Variants in SYTL5 observed in about 807,000 individuals in gnomAD.
SYTL5 encodes synaptotagmin like 5.
A neutral mutation model predicts 55.9 loss-of-function variants in SYTL5; 34 were observed. That is an observed-to-expected ratio of 0.61 (90% confidence interval 0.46 to 0.81). The LOEUF (loss-of-function observed/expected upper bound fraction) is 0.81. Among genes scored for constraint, SYTL5 ranks in the 30% least tolerant of loss-of-function variants. SYTL5 has a pLI of 0.00. For missense variants in SYTL5, 637 were observed against 546.7 expected, an observed-to-expected ratio of 1.17 and a Z score of -1.65; for synonymous variants, 221 against 188.7, an observed-to-expected ratio of 1.17 and a Z score of -1.40.
At chrX:38,113,613 G>A (rs987071174) in intron 13 of SYTL5, among the ~76,000 whole-genome samples, 1 of 111,392 alleles carries the variant, frequency 9.0e-6, no homozygotes, top group Non-Finnish European at 1.9e-5. Flanking sequence ...GATATGGTTT[G>A]AATAAATACT....
At chrX:38,048,253 G>A (rs773229129) in intron 2 of SYTL5, among the ~76,000 whole-genome samples, 28 of 108,960 alleles carry the variant, frequency 2.6e-4, no homozygotes, top group Non-Finnish European at 4.8e-4. Flanking sequence ...ATCTCCATCC[G>A]AGGCCACCTC....
At chrX:37,944,990 G>T in the SYTL5 span, among the ~76,000 whole-genome samples, 1 of 112,655 alleles carries the variant, frequency 8.9e-6, no homozygotes, top group Non-Finnish European at 1.9e-5. Context: ...ATGGTCGACT[G>T]ATTTCAAAGC....
chrX:38,122,038 TTC>T, intron 14 of SYTL5, 40 bp from the exon 15 acceptor site: 4 of 1,108,535 alleles, frequency 3.6e-6, no homozygotes, highest in Non-Finnish European at 4.8e-6. Context: ...CTATTTTTTT[TTC>T]TCTTTCTCCA....
rs187370767 is a variant in SYTL5, at chrX:38,110,099, T to C, written c.1435-222T>C. Among the ~76,000 whole-genome samples, 597 of 112,030 alleles carry C rather than the reference T, an allele frequency of 5.3e-3. 3 individuals are homozygous for C. The highest frequency in any genetic ancestry group is 0.023 in the Middle Eastern group (5 of 217). On this transcript the variant is annotated intron_variant, in intron 12 of 16. Coordinates refer to ENST00000297875, the MANE Select transcript of SYTL5 (RefSeq NM_138780.3). ...GAGTTTATCTCTACCTCAGATAATTTGTTTATATATCTTTCAATGCAAAGT... is the reference window on the plus strand; with the variant it reads ...GAGTTTATCTCTACCTCAGATAATTCGTTTATATATCTTTCAATGCAAAGT...
the SYTL5 span, among the ~76,000 whole-genome samples, chrX:37,929,723 C>T: frequency 9.0e-6 from 1 of 111,622 alleles, no homozygotes; most frequent in South Asian, 3.7e-4. Context: ...TTTCCTTTTG[C>T]TAAATCAAAA....
rs997731392 is a variant in SYTL5 at position 38,120,327 on chromosome X, T to C, written c.1597-31T>C. 3.8e-6 allele frequency: 4 copies of C among 1,055,526 alleles called. No individual in the cohort carries two copies. In the African/African-American group the frequency reaches 7.4e-5, roughly 19 times the overall value. The allele number at this position is 1,055,526 out of a possible 1,213,427, so 87.0% of individuals were successfully genotyped here. A position where few individuals can be genotyped will look rare whatever the true frequency, so the allele number is the denominator to read the frequency against. ...ACAATACTAAGCCAATCATCCATAC[T>C]CTTTCAACTTACTTGTTTCTCCTTG... On this transcript the variant is annotated intron_variant, in intron 13 of 16. Coordinates refer to ENST00000297875, the MANE Select transcript of SYTL5 (RefSeq NM_138780.3).
chrX:38,087,216 G>C (rs1273740847), intron 6 of SYTL5, among the ~76,000 whole-genome samples: 1 of 111,280 alleles, frequency 9.0e-6, no homozygotes, highest in Non-Finnish European at 1.9e-5. Flanking sequence ...TATTTTACCT[G>C]AAACAGTAGG....
At chrX:37,891,449 A>G in the SYTL5 span, among the ~76,000 whole-genome samples, 1 of 111,977 alleles carries the variant, frequency 8.9e-6, no homozygotes, top group East Asian at 2.8e-4. Context: ...TAGAAAGTAG[A>G]TTAGTGCTTG....
chrX:38,054,220 A>G lies in SYTL5; in HGVS notation c.127A>G (p.Lys43Glu). The G allele has an allele frequency of 8.3e-7, 1 of 1,205,812 alleles. No homozygotes were observed. The highest frequency in any genetic ancestry group is 1.7e-5 in the African/African-American group (1 of 57,662). The change falls in exon 3 of 17, where the codon AAA becomes GAA. Residue 43 changes from lysine to glutamate, a missense_variant. Physicochemically the swap from Lys to Glu is moderately conservative, Grantham distance 56. Coordinates refer to ENST00000297875, the MANE Select transcript of SYTL5 (RefSeq NM_138780.3). Reference sequence around the variant, plus strand: ...TTTCCCCTCTTCTTTCAGGAAGCTGAAAAATGAACTCTTAGAAGCAAAACG... The same window carrying G: ...TTTCCCCTCTTCTTTCAGGAAGCTGGAAAATGAACTCTTAGAAGCAAAACG... Reference protein sequence around the residue: ...KVEDKRIRKLKNELLEAKRRS... With the variant: ...KVEDKRIRKLENELLEAKRRS...
chrX:38,099,799 C>G (rs1035782790), intron 9 of SYTL5, among the ~76,000 whole-genome samples: 6 of 111,338 alleles, frequency 5.4e-5, no homozygotes, highest in African/African-American at 1.9e-4. Context: ...TTGATTTTGT[C>G]AAGTGCCTTT....
the SYTL5 span, chrX:37,991,302 T>C: frequency 9.3e-7 from 1 of 1,076,629 alleles, no homozygotes; most frequent in Non-Finnish European, 1.2e-6. Flanking sequence ...TATTAAAGGA[T>C]GTAAATCCAT....
intron 15 of SYTL5, among the ~76,000 whole-genome samples, chrX:38,122,607 T>C (rs1436327480): frequency 8.9e-6 from 1 of 112,291 alleles, no homozygotes. Context: ...TATTTTTCTC[T>C]CTTGGGGGAA....
chrX:38,052,068 G>A (rs139716617), intron 2 of SYTL5, among the ~76,000 whole-genome samples: 3,815 of 112,064 alleles, frequency 0.034, 67 homozygotes, highest in Middle Eastern at 0.064. Context: ...GTTTCTTCAT[G>A]AGAGTGAATG....
intron 1 of SYTL5, among the ~76,000 whole-genome samples, chrX:38,015,706 G>GTT (rs367736386): frequency 2.0e-5 from 2 of 101,963 alleles, no homozygotes; most frequent in African/African-American, 3.6e-5. Context: ...ACAATTCAAT[G>GTT]TTTTTTTTTT....
At chrX:38,055,931 A>G (rs1209839547) in intron 3 of SYTL5, among the ~76,000 whole-genome samples, 1 of 111,886 alleles carries the variant, frequency 8.9e-6, no homozygotes, top group Non-Finnish European at 1.9e-5. Context: ...TGGAGTATCT[A>G]TTACCTCAAG....
chrX:37,901,188 A>C, the SYTL5 span, among the ~76,000 whole-genome samples: 1 of 111,953 alleles, frequency 8.9e-6, no homozygotes, highest in Non-Finnish European at 1.9e-5. Flanking sequence ...CCTTGGGACT[A>C]TCCCATAGAT....
At chrX:37,892,259 G>A in the SYTL5 span, among the ~76,000 whole-genome samples, 1 of 109,862 alleles carries the variant, frequency 9.1e-6, no homozygotes, top group Admixed American at 9.9e-5. Flanking sequence ...ATTTTATCCA[G>A]TGAATGTAAA....
chrX:37,941,762 T>A, the SYTL5 span, among the ~76,000 whole-genome samples: 1 of 112,240 alleles, frequency 8.9e-6, no homozygotes, highest in Non-Finnish European at 1.9e-5. Context: ...TGAGAGCCAC[T>A]GTACTAAAGA....
At chrX:37,997,863 G>A in the SYTL5 span, among the ~76,000 whole-genome samples, 1 of 112,256 alleles carries the variant, frequency 8.9e-6, no homozygotes, top group South Asian at 3.7e-4. Flanking sequence ...ATGGCCACCC[G>A]TGGACCAGTC....
Sources: allele counts gnomAD v4.1 joint callset (sites outside exome capture counted in the v4.1 genomes callset), GRCh38; gene constraint gnomAD v4.1.1; transcripts MANE v1.5; gene names NCBI Gene and HGNC (gene_info 2026-07-23, HGNC 2026-07-21).